SGCZ: variants seen among roughly 807,000 people sequenced by gnomAD.
The protein encoded by SGCZ is zeta-sarcoglycan.
SGCZ carries 40 observed loss-of-function variants against 41.3 expected under a neutral mutation model. The ratio of observed to expected loss-of-function variants is 0.97; its 90% CI spans 0.75 to 1.26. SGCZ has a LOEUF of 1.26. Among genes scored for constraint, SGCZ ranks in the 50% most tolerant of loss-of-function variants. SGCZ has a pLI of 0.00. For synonymous variants in SGCZ, 206 were observed against 137.5 expected (o/e 1.50, Z -3.49); for missense variants, 552 against 369.8 (o/e 1.49, Z -4.04).
At chr8:14,313,910 CTGTGTGTGTGTGTGTGTGTGTG>C (rs34489718) in intron 3 of SGCZ, among the ~76,000 whole-genome samples, 5 of 144,804 alleles carry the variant, frequency 3.5e-5, no homozygotes, top group South Asian at 4.7e-4. Flanking sequence ...TATCATCTCT[CTGTGTGTGTGTGTGTGTGTGTG>C]TGTGTGTGTG....
intron 2 of SGCZ, among the ~76,000 whole-genome samples, chr8:14,328,317 G>C (rs10090427): frequency 0.68 from 104,068 of 151,962 alleles, 37,353 homozygotes; most frequent in South Asian, 0.85. Flanking sequence ...AAAATGATTT[G>C]TTAATTTTCT....
At chr8:14,454,022 T>C (rs966859004) in intron 2 of SGCZ, among the ~76,000 whole-genome samples, 1 of 152,196 alleles carries the variant, frequency 6.6e-6, no homozygotes, top group African/African-American at 2.4e-5. Flanking sequence ...TAATGAATCT[T>C]TGTGAACAGA....
rs1453792855 is a variant in SGCZ at position 14,252,681 on chromosome 8, G to C, written c.337-15002C>G. Reference sequence around the variant, plus strand: ...CCTCGAGATAATATAAAGTCGAGGGGGCAGGACAAAATTTTCAAGAGGCTC... The same window carrying C: ...CCTCGAGATAATATAAAGTCGAGGGCGCAGGACAAAATTTTCAAGAGGCTC... On this transcript the variant is annotated intron_variant, in intron 3 of 7. Transcript: ENST00000382080. Among the ~76,000 whole-genome samples, 4 of 152,022 alleles carry C rather than the reference G, an allele frequency of 2.6e-5. No homozygotes were observed. In the East Asian group the frequency reaches 7.7e-4, roughly 29 times the overall value.
At chr8:14,604,077 A>G (rs968672753) in intron 1 of SGCZ, among the ~76,000 whole-genome samples, 74 of 152,118 alleles carry the variant, frequency 4.9e-4, no homozygotes, top group African/African-American at 1.7e-3. Context: ...GAAATTATCT[A>G]TTGTGACTGT....
At chr8:14,531,547 G>A (rs1264217284) in intron 2 of SGCZ, among the ~76,000 whole-genome samples, 2 of 152,036 alleles carry the variant, frequency 1.3e-5, no homozygotes, top group Non-Finnish European at 2.9e-5. Context: ...AGATTTCCCA[G>A]TAGGTGGCAG....
At chr8:14,717,174 T>C (rs1809717674) in intron 1 of SGCZ, among the ~76,000 whole-genome samples, 1 of 152,052 alleles carries the variant, frequency 6.6e-6, no homozygotes, top group South Asian at 2.1e-4. Context: ...TAGAAAAATT[T>C]TTCTAGATAA....
chr8:14,187,931 G>A (rs1258311956), intron 4 of SGCZ, among the ~76,000 whole-genome samples: 1 of 152,086 alleles, frequency 6.6e-6, no homozygotes, highest in Admixed American at 6.5e-5. Context: ...TGAAAATCTT[G>A]AAAGGAGCAA....
intron 1 of SGCZ, among the ~76,000 whole-genome samples, chr8:15,102,443 A>G (rs1806649879): frequency 6.6e-6 from 1 of 152,212 alleles, no homozygotes; most frequent in Admixed American, 6.5e-5. Context: ...TGTAATAATG[A>G]ATAAATGACA....
chr8:14,843,878 A>G (rs1247000244), intron 1 of SGCZ, among the ~76,000 whole-genome samples: 1 of 151,988 alleles, frequency 6.6e-6, no homozygotes, highest in African/African-American at 2.4e-5. Flanking sequence ...TCTGTTCAAG[A>G]GAAGGCCACC....
chr8:14,731,795 T>G (rs560360703), intron 1 of SGCZ, among the ~76,000 whole-genome samples: 17 of 152,262 alleles, frequency 1.1e-4, no homozygotes, highest in African/African-American at 4.1e-4. Context: ...GACCATTTCT[T>G]TTTCTAAAAT....
rs540619588 is a variant in SGCZ at position 14,652,407 on chromosome 8, T to C, written c.40-97481A>G. ...TGCATATATATTCATAATAATAATA[T>C]TTGAACAATTCCTATGAAGACAATG... On this transcript the variant is annotated intron_variant, in intron 1 of 7. Transcript: ENST00000382080. Among the ~76,000 whole-genome samples the C allele has an allele frequency of 1.1e-4, 17 of 151,182 alleles. No homozygotes were observed. In the South Asian group the frequency reaches 3.3e-3, roughly 30 times the overall value.
chr8:14,460,261 G>A (rs1800864110), intron 2 of SGCZ, among the ~76,000 whole-genome samples: 1 of 151,988 alleles, frequency 6.6e-6, no homozygotes, highest in Admixed American at 6.6e-5. Context: ...TAAAAGTTAA[G>A]CAAATAAAAG....
intron 1 of SGCZ, among the ~76,000 whole-genome samples, chr8:15,179,208 AAAT>A (rs1800089503): frequency 6.6e-6 from 1 of 152,214 alleles, no homozygotes; most frequent in African/African-American, 2.4e-5. Flanking sequence ...GATGAAGATC[AAAT>A]AATAAAATAA....
At chr8:15,233,583 T>C (rs1184451579) in intron 1 of SGCZ, among the ~76,000 whole-genome samples, 1 of 152,040 alleles carries the variant, frequency 6.6e-6, no homozygotes, top group Non-Finnish European at 1.5e-5. Flanking sequence ...AAGATTCAAG[T>C]TCTTGGTAGA....
intron 5 of SGCZ, among the ~76,000 whole-genome samples, chr8:14,148,797 T>C (rs567502336): frequency 6.6e-6 from 1 of 152,194 alleles, no homozygotes; most frequent in African/African-American, 2.4e-5. Context: ...CATAAAATAC[T>C]AGCAAACTGA....
At chr8:14,352,486 GA>G (rs779671619) in intron 2 of SGCZ, among the ~76,000 whole-genome samples, 3 of 152,038 alleles carry the variant, frequency 2.0e-5, no homozygotes, top group Non-Finnish European at 4.4e-5. Flanking sequence ...ATCAAAGACA[GA>G]AACCAGGATT....
chr8:14,778,329 G>C (rs1196608665), intron 1 of SGCZ, among the ~76,000 whole-genome samples: 1 of 152,140 alleles, frequency 6.6e-6, no homozygotes, highest in African/African-American at 2.4e-5. Flanking sequence ...GATTTCTCAA[G>C]AGAGGACACT....
chr8:14,772,368 TATAA>T (rs1252165534), intron 1 of SGCZ, among the ~76,000 whole-genome samples: 2 of 152,070 alleles, frequency 1.3e-5, no homozygotes, highest in African/African-American at 4.8e-5. Flanking sequence ...TTGTATGAAA[TATAA>T]ATATTTTCAT....
intron 1 of SGCZ, among the ~76,000 whole-genome samples, chr8:14,989,100 T>A (rs1801923550): frequency 6.6e-6 from 1 of 152,044 alleles, no homozygotes; most frequent in Non-Finnish European, 1.5e-5. Flanking sequence ...GAAAAAAACC[T>A]CCCAGGACAG....
Sources: allele counts gnomAD v4.1 joint callset (sites outside exome capture counted in the v4.1 genomes callset), GRCh38; gene constraint gnomAD v4.1.1; transcripts MANE v1.5; gene names NCBI Gene and HGNC (gene_info 2026-07-23, HGNC 2026-07-21).